Variants in ATP8B3 observed in about 807,000 individuals in gnomAD.
The protein encoded by ATP8B3 is ATPase phospholipid transporting 8B3, also known as phospholipid-transporting ATPase IK.
A neutral mutation model predicts 140.9 loss-of-function variants in ATP8B3; 141 were observed. The ratio of observed to expected loss-of-function variants is 1.00; its 90% CI spans 0.87 to 1.15. The LOEUF (loss-of-function observed/expected upper bound fraction) is 1.15. Among genes scored for constraint, ATP8B3 ranks in the 50% most tolerant of loss-of-function variants. ATP8B3 has a pLI of 0.00. For synonymous variants in ATP8B3, 765 were observed against 714.6 expected, an observed-to-expected ratio of 1.07 and a Z score of -1.13; for missense variants, 1,874 against 1,740.6, an observed-to-expected ratio of 1.08 and a Z score of -1.36.
Position 1,808,209 on chromosome 19 carries a change from C to T in ATP8B3, c.516+13G>A. 1.9e-6 allele frequency: 3 copies of T among 1,596,840 alleles called. No homozygotes were observed. Among genetic ancestry groups the T allele is most frequent in the Non-Finnish European group, 2.6e-6 (3 of 1,167,054 alleles). On this transcript the variant is annotated intron_variant, in intron 5 of 28. Coordinates refer to ENST00000310127, the MANE Select transcript of ATP8B3 (RefSeq NM_138813.4). ...GCTAGGGGGGACTTCCTGGAGGAGGCAACACGCCTCACCTGCAGGATGATG... is the reference window on the plus strand; with the variant it reads ...GCTAGGGGGGACTTCCTGGAGGAGGTAACACGCCTCACCTGCAGGATGATG...
At chr19:1,808,407 A>G (rs942913383) in intron 4 of ATP8B3, 72 bp from the exon 5 acceptor site, 3 of 1,149,522 alleles carry the variant, frequency 2.6e-6, no homozygotes, top group Non-Finnish European at 3.9e-6. Flanking sequence ...GCCCGAGGCC[A>G]GACCTGCCTC....
intron 2 of ATP8B3, among the ~76,000 whole-genome samples, 196 bp downstream of exon 2, chr19:1,811,293 C>A (rs2069180625): frequency 1.3e-5 from 2 of 152,192 alleles, no homozygotes; most frequent in Non-Finnish European, 2.9e-5. Context: ...ATCCTGGAAT[C>A]TTCTCCACTA....
chr19:1,802,845 T>C (rs2068898057), intron 10 of ATP8B3, among the ~76,000 whole-genome samples, 200 bp from the exon 11 acceptor site: 1 of 152,194 alleles, frequency 6.6e-6, no homozygotes, highest in Non-Finnish European at 1.5e-5. Flanking sequence ...GGGCAGGCTG[T>C]TCCTTCCACG....
chr19:1,790,134 C>A, intron 21 of ATP8B3, 145 bp from the exon 22 acceptor site: 1 of 618,340 alleles, frequency 1.6e-6, no homozygotes, highest in Non-Finnish European at 2.9e-6. Flanking sequence ...TTCCCCTCCC[C>A]TTTCCTCCTC....
At chr19:1,785,386 A>C (rs1039986267) in intron 26 of ATP8B3, 83 bp downstream of exon 26, 1 of 1,558,442 alleles carries the variant, frequency 6.4e-7, no homozygotes, top group Non-Finnish European at 8.7e-7. Flanking sequence ...GCACCTGGCA[A>C]TGCCCCCAAA....
intron 3 of ATP8B3, 66 bp downstream of exon 3, chr19:1,810,556 G>A (rs750768602): frequency 1.6e-5 from 24 of 1,502,270 alleles, no homozygotes; most frequent in East Asian, 2.4e-5. Flanking sequence ...GAGCCACCAC[G>A]CCTGGCCAGC....
chr19:1,782,897 G>A lies in ATP8B3; in HGVS notation c.*131C>T, dbSNP rs1481260438. On this transcript the variant is annotated 3_prime_UTR_variant, in exon 29 of 29. Transcript: ENST00000310127. The stretch of plus-strand genomic sequence containing the variant: ...TTTGGGGAGGGCAGGTTGGTTTTCT[G>A]GATGAAGAGCGGATTGTCTATCCAT... The A allele has an allele frequency of 3.1e-6, 4 of 1,284,122 alleles. No homozygotes were observed. The highest frequency in any genetic ancestry group is 1.5e-5 in the African/African-American group (1 of 66,490). The allele number at this position is 1,284,122 out of a possible 1,614,324, so 79.5% of individuals were successfully genotyped here.
Position 1,794,608 on chromosome 19 carries a change from G to A in ATP8B3, c.2055+1267C>T, listed in dbSNP as rs950945601. Among the ~76,000 whole-genome samples, 2 of 152,150 alleles carry A rather than the reference G, an allele frequency of 1.3e-5. No homozygotes were observed. Among genetic ancestry groups the A allele is most frequent in the Admixed American group, 6.5e-5 (1 of 15,280 alleles). Reference sequence around the variant, plus strand: ...CCCATGTTGGCAGGGGGTGGGGCAGGAAAGGCCCCATGTGTGGGGAGCTTG... The same window carrying A: ...CCCATGTTGGCAGGGGGTGGGGCAGAAAAGGCCCCATGTGTGGGGAGCTTG... On this transcript the variant is annotated intron_variant, in intron 18 of 28. Transcript: ENST00000310127. The surrounding 1 kb of genome is among the most constrained non-coding windows in gnomAD (Gnocchi z 4.8).
intron 4 of ATP8B3, 110 bp from the exon 5 acceptor site, chr19:1,808,445 C>T (rs895112185): frequency 4.0e-4 from 242 of 608,584 alleles, no homozygotes; most frequent in Non-Finnish European, 5.8e-4. Context: ...ATCCTCTGGG[C>T]TATGGGACAC....
Position 1,789,468 on chromosome 19 carries a change from C to T in ATP8B3, c.2738G>A (p.Arg913His), listed in dbSNP as rs757567797. The T allele has an allele frequency of 2.2e-4, 358 of 1,597,768 alleles. No individual in the cohort carries two copies. Among genetic ancestry groups the T allele is most frequent in the Non-Finnish European group, 2.9e-4 (338 of 1,179,184 alleles). ...CAGGGCCTTCTGCTTGGGCGTCACGCGGCAGCAGATGACCGCCTGGCACTT... is the reference window on the plus strand; with the variant it reads ...CAGGGCCTTCTGCTTGGGCGTCACGTGGCAGCAGATGACCGCCTGGCACTT... Reference protein sequence around the residue: ...ASKCQAVICCRVTPKQKALIV... With the variant: ...ASKCQAVICCHVTPKQKALIV... Residue 913 changes from arginine (R) to histidine (H), a missense_variant, in exon 23 of 29, where the codon CGC (arginine) becomes CAC (histidine). Physicochemically the swap from Arg to His is conservative, Grantham distance 29. Coordinates refer to ENST00000310127, the MANE Select transcript of ATP8B3 (RefSeq NM_138813.4).
At position 1,791,871 on chromosome 19, in the gene ATP8B3, G is replaced by C. The variant is rs776766961; in HGVS notation, c.2191-10C>G. The C allele has an allele frequency of 1.7e-5, 28 of 1,609,830 alleles. 1 individual carries two copies. In the South Asian group the frequency reaches 3.0e-4, roughly 17 times the overall value. On this transcript the variant is annotated splice_polypyrimidine_tract_variant and intron_variant, in intron 19 of 28. Transcript: ENST00000310127. ...CTGTGGCTCCCAGCAGCTGGTGGGG[G>C]AGGAGGGCAGGGCGGGGAAGATGCT...
At position 1,806,298 on chromosome 19, in the gene ATP8B3, G is replaced by A; in HGVS notation, c.678-129C>T. ...CCACCTCCGGGCCTTTGCCCCCTCA[G>A]GAAGCCTTCCCCGGGCTCCCACCCC... On this transcript the variant is annotated intron_variant, in intron 7 of 28. Coordinates refer to ENST00000310127, the MANE Select transcript of ATP8B3 (RefSeq NM_138813.4). The surrounding 1 kb of genome is among the most constrained non-coding windows in gnomAD (Gnocchi z 5.6). 1 of 1,490,104 alleles carries A rather than the reference G, an allele frequency of 6.7e-7. No homozygotes were observed. Among genetic ancestry groups the A allele is most frequent in the East Asian group, 2.5e-5 (1 of 40,500 alleles). 92.3% of individuals were successfully genotyped at this position (1,490,104 alleles called of 1,614,324 possible).
rs543539332 is a variant in ATP8B3, at chr19:1,806,256, G to C, written c.678-87C>G. On this transcript the variant is annotated intron_variant, in intron 7 of 28. Coordinates refer to ENST00000310127, the MANE Select transcript of ATP8B3 (RefSeq NM_138813.4). This position sits in a 1 kb window ranked among gnomAD's most constrained non-coding sequence, Gnocchi z 5.6. ...GACCAGAGGCACGGGATGACGGGGG[G>C]CCCGCAGCTGCAGTCCCCACCTCCG... 180 of 1,528,668 alleles carry C rather than the reference G, an allele frequency of 1.2e-4. 2 individuals carry two copies. The East Asian group carries it at 3.6e-3, about 30-fold the overall frequency. 94.7% of individuals were successfully genotyped at this position (1,528,668 alleles called of 1,614,324 possible).
chr19:1,797,008 G>A lies in ATP8B3; in HGVS notation c.1553-3C>T. The A allele has an allele frequency of 6.2e-7, 1 of 1,613,070 alleles. No homozygotes were observed. The highest frequency in any genetic ancestry group is 1.1e-5 in the South Asian group (1 of 91,078). ...GGTCGTGGCCTCTGAATCCGGCCCT[G>A]GGGAAAGACACAGCTTCCTGCTTCA... On this transcript the variant is annotated splice_region_variant and splice_polypyrimidine_tract_variant and intron_variant, in intron 14 of 28. Coordinates refer to ENST00000310127, the MANE Select transcript of ATP8B3 (RefSeq NM_138813.4).
In ATP8B3 at chr19:1,799,988, A is replaced by G. The variant is rs1224206540; in HGVS notation, c.1511T>C (p.Ile504Thr). 2 of 1,606,258 alleles carry G rather than the reference A, an allele frequency of 1.2e-6. No homozygotes were observed. The highest frequency in any genetic ancestry group is 1.7e-5 in the Admixed American group (1 of 59,246). Residue 504 changes from isoleucine to threonine, a missense_variant, in exon 14 of 29, where the codon ATC (isoleucine) becomes ACC (threonine). Ile to Thr is a moderately conservative substitution (Grantham distance 89). Coordinates refer to ENST00000310127, the MANE Select transcript of ATP8B3 (RefSeq NM_138813.4). ...SDKTGTLTQN[I>T]LTFNKCCISG... ...GATGCAGCACTTGTTGAAGGTCAAG[A>G]TGTTCTGCGTGAGCGTGCCCGTCTT...
At chr19:1,802,919 C>T (rs930171294) in intron 10 of ATP8B3, among the ~76,000 whole-genome samples, 1 of 152,194 alleles carries the variant, frequency 6.6e-6, no homozygotes, top group Non-Finnish European at 1.5e-5. Flanking sequence ...CTCCCTCCCT[C>T]GTGGTTCTGA....
chr19:1,786,836 T>G (rs796435261), intron 25 of ATP8B3, among the ~76,000 whole-genome samples: 1 of 150,794 alleles, frequency 6.6e-6, no homozygotes. Flanking sequence ...CCCCATTGCA[T>G]GGATGGGTAG....
rs779994342 is a variant in ATP8B3, at chr19:1,800,481, G to C, written c.1153-32C>G. On this transcript the variant is annotated intron_variant, in intron 12 of 28. Coordinates refer to ENST00000310127, the MANE Select transcript of ATP8B3 (RefSeq NM_138813.4). This position sits in a 1 kb window ranked among gnomAD's most constrained non-coding sequence, Gnocchi z 4.4. ...GGCAGACGCGACAGGGTGGGTGAGGGGGGCGGGGGTCCCCCACTCTGCCAT... is the reference window on the plus strand; with the variant it reads ...GGCAGACGCGACAGGGTGGGTGAGGCGGGCGGGGGTCCCCCACTCTGCCAT... 1 of 1,515,630 alleles carries C rather than the reference G, an allele frequency of 6.6e-7. No homozygotes were observed. The highest frequency in any genetic ancestry group is 1.4e-5 in the African/African-American group (1 of 72,490). 93.9% of individuals were successfully genotyped at this position (1,515,630 alleles called of 1,614,324 possible).
At chr19:1,791,906 T>C (rs752274238) in intron 19 of ATP8B3, 45 bp from the exon 20 acceptor site, 1 of 1,606,102 alleles carries the variant, frequency 6.2e-7, no homozygotes, top group Non-Finnish European at 8.5e-7. Flanking sequence ...TGAGCAGCCG[T>C]CCAGCTCCCT....
Sources: allele counts gnomAD v4.1 joint callset (sites outside exome capture counted in the v4.1 genomes callset), GRCh38; gene constraint gnomAD v4.1.1; non-coding constraint Gnocchi (gnomAD v3.1); transcripts MANE v1.5; gene names NCBI Gene and HGNC (gene_info 2026-07-23, HGNC 2026-07-21).